PKHD1L1: variants seen among roughly 807,000 people sequenced by gnomAD.
PKHD1L1 encodes PKHD1 like 1.
A neutral mutation model predicts 462.9 loss-of-function variants in PKHD1L1; 434 were observed. That is an observed-to-expected ratio of 0.94 (90% CI 0.87 to 1.02). The LOEUF (loss-of-function observed/expected upper bound fraction) is 1.02. Ranked by LOEUF, PKHD1L1 falls within the 50% of genes least tolerant of loss-of-function variation. The probability of loss-of-function intolerance (pLI) is 0.00; values close to 1 mark genes in which losing one functional copy is unlikely to be tolerated. For synonymous variants in PKHD1L1, 1,781 were observed against 1,750.0 expected (o/e 1.02, Z -0.44); for missense variants, 5,202 against 5,096.1 (o/e 1.02, Z -0.63).
chr8:109,373,930 G>A (rs575304281), intron 2 of PKHD1L1, among the ~76,000 whole-genome samples: 1 of 152,226 alleles, frequency 6.6e-6, no homozygotes, highest in East Asian at 1.9e-4. Context: ...CAACAATGTG[G>A]TCAATTTTGG....
chr8:109,496,756 A>G (rs1169847488), intron 63 of PKHD1L1, among the ~76,000 whole-genome samples, 163 bp from the exon 64 acceptor site: 4 of 152,244 alleles, frequency 2.6e-5, no homozygotes, highest in Admixed American at 1.3e-4. Flanking sequence ...AGAGTGAACC[A>G]TAAATGGCAG....
At chr8:109,471,760 G>A (rs1276701345) in intron 50 of PKHD1L1, among the ~76,000 whole-genome samples, 1 of 152,170 alleles carries the variant, frequency 6.6e-6, no homozygotes, top group African/African-American at 2.4e-5. Flanking sequence ...ATTCTTTATA[G>A]TGAAGTGTTA....
At chr8:109,513,244 G>A (rs1306949546) in intron 71 of PKHD1L1, among the ~76,000 whole-genome samples, 1 of 151,964 alleles carries the variant, frequency 6.6e-6, no homozygotes, top group East Asian at 1.9e-4. Context: ...TTGAATAGGA[G>A]TGGTGAGAGA....
In PKHD1L1 at chr8:109,401,497, G is replaced by A; in HGVS notation, c.1282G>A (p.Val428Met). The change falls in exon 14 of 78, where the codon GTG becomes ATG. Residue 428 changes from valine (V) to methionine (M), a missense_variant and splice_region_variant. Physicochemically the swap from Val to Met is conservative, Grantham distance 21. Around this residue, in one of 3 missense-constraint regions of PKHD1L1, gnomAD observed 4,497 missense variants for 4,336.8 expected, o/e 1.04. Coordinates refer to ENST00000378402, the MANE Select transcript of PKHD1L1 (RefSeq NM_177531.6). ...TCTGTCTCTGTCTCTCTCGGATTAGGTGAGGATTGCATATCATTCTGCTAA... is the reference window on the plus strand; with the variant it reads ...TCTGTCTCTGTCTCTCTCGGATTAGATGAGGATTGCATATCATTCTGCTAA... ...FSQTGLPEDKVRIAYHSANAN... is the reference protein window; with the variant it reads ...FSQTGLPEDKMRIAYHSANAN... The A allele has an allele frequency of 6.5e-7, 1 of 1,536,610 alleles. No homozygotes were observed. Among genetic ancestry groups the A allele is most frequent in the African/African-American group, 1.4e-5 (1 of 73,550 alleles).
intron 53 of PKHD1L1, among the ~76,000 whole-genome samples, 154 bp downstream of exon 53, chr8:109,477,550 C>T (rs1818055350): frequency 6.6e-6 from 1 of 152,144 alleles, no homozygotes; most frequent in Non-Finnish European, 1.5e-5. Context: ...TTGAGCCTTA[C>T]AAAAACCTTC....
At chr8:109,413,947 A>G (rs1813994033) in intron 21 of PKHD1L1, among the ~76,000 whole-genome samples, 2 of 152,240 alleles carry the variant, frequency 1.3e-5, no homozygotes, top group African/African-American at 4.8e-5. Flanking sequence ...AAGTAGAGAG[A>G]TTTTGAAATA....
intron 42 of PKHD1L1, among the ~76,000 whole-genome samples, 195 bp from the exon 43 acceptor site, chr8:109,452,523 G>A (rs1284509631): frequency 6.6e-6 from 1 of 151,142 alleles, no homozygotes; most frequent in African/African-American, 2.4e-5. Context: ...GATCATTATT[G>A]TGAAATAAAC....
At position 109,518,334 on chromosome 8, in the gene PKHD1L1, T is replaced by C. The variant is rs757753983; in HGVS notation, c.11857T>C (p.Tyr3953His). The change falls in exon 73 of 78, where the codon TAT becomes CAT. Residue 3953 changes from tyrosine (Y) to histidine (H), a missense_variant. Physicochemically the swap from Tyr to His is moderately conservative, Grantham distance 83. This residue lies in a region of PKHD1L1 where 698 missense variants were observed against 736.3 expected (regional missense o/e 0.95). Transcript: ENST00000378402. ...ATCTGTTGCAACAGAAGATGACTTT[T>C]ATACCTCTCACAATCTGGTTAAAAA... ...QLSVATEDDFYTSHNLVKNLA... is the reference protein window; with the variant it reads ...QLSVATEDDFHTSHNLVKNLA... 5 of 1,613,394 alleles carry C rather than the reference T, an allele frequency of 3.1e-6. No individual in the cohort carries two copies. Among genetic ancestry groups the C allele is most frequent in the East Asian group, 2.2e-5 (1 of 44,874 alleles).
chr8:109,383,110 T>C (rs1812214898), intron 4 of PKHD1L1, among the ~76,000 whole-genome samples: 1 of 106,986 alleles, frequency 9.3e-6, no homozygotes, highest in Non-Finnish European at 1.8e-5. Context: ...TATAAATAGT[T>C]ATATATAATA....
chr8:109,397,375 C>T (rs1301743851), intron 11 of PKHD1L1, among the ~76,000 whole-genome samples: 1 of 152,088 alleles, frequency 6.6e-6, no homozygotes, highest in Non-Finnish European at 1.5e-5. Context: ...ATCCATAAAA[C>T]ACTCAAAATA....
At chr8:109,443,538 C>T in intron 36 of PKHD1L1, 138 bp from the exon 37 acceptor site, 1 of 670,492 alleles carries the variant, frequency 1.5e-6, no homozygotes, top group Non-Finnish European at 2.5e-6. Flanking sequence ...GCCTAAGACC[C>T]ATTTGTCATT....
At position 109,377,814 on chromosome 8, in the gene PKHD1L1, G is replaced by A. The variant is rs147316141; in HGVS notation, c.164-3556G>A. ...TAATGGAACACTAATCTTATTCATA[G>A]GTTTTATTTCTTGGGTTTATTCCAA... On this transcript the variant is annotated intron_variant, in intron 2 of 77. Transcript: ENST00000378402. Among the ~76,000 whole-genome samples, 502 of 152,090 alleles carry A rather than the reference G, an allele frequency of 3.3e-3. 2 individuals are homozygous for A. Among genetic ancestry groups the A allele is most frequent in the African/African-American group, 0.011 (475 of 41,488 alleles).
intron 31 of PKHD1L1, 48 bp downstream of exon 31, chr8:109,438,504 A>G (rs764824842): frequency 6.8e-7 from 1 of 1,468,110 alleles, no homozygotes; most frequent in South Asian, 1.4e-5. Context: ...TGTATAAAAA[A>G]CATTTCTAGA....
chr8:109,442,861 A>G lies in PKHD1L1; in HGVS notation c.4394-85A>G, dbSNP rs1815881018. 3 of 1,295,252 alleles carry G rather than the reference A, an allele frequency of 2.3e-6. No homozygotes were observed. The East Asian group carries it at 7.0e-5, about 30-fold the overall frequency. 80.2% of individuals were successfully genotyped at this position (1,295,252 alleles called of 1,614,324 possible). A position where few individuals can be genotyped will look rare whatever the true frequency, so the allele number is the denominator to read the frequency against. ...AACTGTCATCTGTATGTGCATTTAA[A>G]TGATCATTTCAAATTGTTTTCAGTC... On this transcript the variant is annotated intron_variant, in intron 35 of 77. Coordinates refer to ENST00000378402, the MANE Select transcript of PKHD1L1 (RefSeq NM_177531.6).
chr8:109,438,583 G>A (rs1419209542), intron 31 of PKHD1L1, 127 bp downstream of exon 31: 1 of 802,062 alleles, frequency 1.2e-6, no homozygotes, highest in Non-Finnish European at 1.9e-6. Flanking sequence ...AGTGTTATGT[G>A]TGTGTATGTT....
chr8:109,476,706 C>T, intron 52 of PKHD1L1, 39 bp downstream of exon 52: 1 of 1,535,060 alleles, frequency 6.5e-7, no homozygotes, highest in Non-Finnish European at 8.8e-7. Flanking sequence ...TTATCTAATG[C>T]TTTGTCTAAA....
chr8:109,437,940 T>C (rs146641985), intron 30 of PKHD1L1, among the ~76,000 whole-genome samples: 11 of 152,276 alleles, frequency 7.2e-5, no homozygotes, highest in African/African-American at 2.4e-4. Flanking sequence ...TGATGTGATT[T>C]GTCAGAGAAG....
At chr8:109,386,244 G>A (rs1429845092) in intron 6 of PKHD1L1, among the ~76,000 whole-genome samples, 1 of 152,190 alleles carries the variant, frequency 6.6e-6, no homozygotes, top group Non-Finnish European at 1.5e-5. Context: ...AACTAGCGTT[G>A]TCACTAGAGT....
At position 109,523,690 on chromosome 8, in the gene PKHD1L1, A is replaced by G. The variant is rs542404091; in HGVS notation, c.12484+304A>G. Among the ~76,000 whole-genome samples, 160 of 152,306 alleles carry G rather than the reference A, an allele frequency of 1.1e-3. 1 individual carries two copies. Among genetic ancestry groups the G allele is most frequent in the African/African-American group, 3.7e-3 (155 of 41,578 alleles). ...CATTTATAGTAAGAAAAATTAACAT[A>G]CAGATTTTCAAATTCAATAAAAGAA... is the stretch of plus-strand genomic sequence containing the variant. On this transcript the variant is annotated intron_variant, in intron 76 of 77. Transcript: ENST00000378402.
Sources: allele counts gnomAD v4.1 joint callset (sites outside exome capture counted in the v4.1 genomes callset), GRCh38; gene constraint gnomAD v4.1.1; regional missense constraint gnomAD v4.1.1; transcripts MANE v1.5; gene names NCBI Gene and HGNC (gene_info 2026-07-23, HGNC 2026-07-21).